The following ZNF713 variants were observed in gnomAD, a reference collection of about 807,000 sequenced individuals.
The protein encoded by ZNF713 is zinc finger protein 713.
Under a neutral mutation model 28.7 loss-of-function variants are expected in ZNF713, and 21 were observed. That is an observed-to-expected ratio of 0.73 (90% CI 0.52 to 1.05). The LOEUF (loss-of-function observed/expected upper bound fraction) is 1.05. ZNF713 is among the 50% of genes least tolerant of loss of function. ZNF713 has a pLI of 0.00. For synonymous variants in ZNF713, 167 were observed against 178.0 expected (o/e 0.94, Z 0.49); for missense variants, 458 against 532.4 (o/e 0.86, Z 1.37).
At chr7:55,916,074 A>G (rs1785876842) in intron 4 of ZNF713, among the ~76,000 whole-genome samples, 1 of 152,230 alleles carries the variant, frequency 6.6e-6, no homozygotes, top group African/African-American at 2.4e-5. Context: ...AAGCAAAGGA[A>G]GAAAAAAGAT....
Position 55,939,219 on chromosome 7 carries a change from G to A in ZNF713, c.545G>A (p.Cys182Tyr), listed in dbSNP as rs887440205. 1.1e-5 allele frequency: 18 copies of A among 1,613,946 alleles called. No homozygotes were observed. The highest frequency in any genetic ancestry group is 1.4e-5 in the Non-Finnish European group (17 of 1,180,012). Residue 182 changes from cysteine to tyrosine, a missense_variant, in exon 7 of 7, where the codon TGT becomes TAT. Physicochemically the swap from Cys to Tyr is radical, Grantham distance 194. Transcript: ENST00000429591. ...KKITQERSLE[C>Y]NKFAENCNLN... ...ATCACACAGGAGAGAAGCCTTGAGT[G>A]TAATAAATTTGCAGAAAACTGTAAT...
chr7:55,894,711 A>AAAGC (rs766402174), intron 1 of ZNF713, among the ~76,000 whole-genome samples: 68 of 152,352 alleles, frequency 4.5e-4, no homozygotes, highest in African/African-American at 1.5e-3. Flanking sequence ...GTTGTCTATA[A>AAAGC]AAGCAAGCAA....
At position 55,891,482 on chromosome 7, in the gene ZNF713, C is replaced by G. The variant is rs1442994042; in HGVS notation, c.-583+3802C>G. ...TTAAATCATAGAAATTGTGTCTAGA[C>G]CAGCCTGGGAAACATGGTGAGACCT... On this transcript the variant is annotated intron_variant, in intron 1 of 6. Coordinates refer to ENST00000429591, the MANE Select transcript of ZNF713 (RefSeq NM_182633.3). 2.0e-5 allele frequency among the ~76,000 whole-genome samples: 3 copies of G among 150,786 alleles called. 1 individual carries two copies. The South Asian group carries it at 6.4e-4, about 32-fold the overall frequency.
chr7:55,915,267 G>A (rs1785859146), intron 4 of ZNF713, among the ~76,000 whole-genome samples: 1 of 152,186 alleles, frequency 6.6e-6, no homozygotes, highest in South Asian at 2.1e-4. Flanking sequence ...CATTTATTAT[G>A]TTTAGAAGGA....
chr7:55,887,827 GCGGC>G (rs1562731545), intron 1 of ZNF713, 147 bp downstream of exon 1: 746 of 8,328 alleles, frequency 0.09, 229 homozygotes, highest in African/African-American at 0.18. Flanking sequence ...CGGGCGGCGG[GCGGC>G]GGGCGGCGGG....
intron 2 of ZNF713, among the ~76,000 whole-genome samples, chr7:55,908,945 A>G: frequency 6.6e-6 from 1 of 152,032 alleles, no homozygotes; most frequent in East Asian, 1.9e-4. Flanking sequence ...GCGGTGGCTC[A>G]TGCCTGTAAT....
At chr7:55,921,529 A>G (rs1005217123) in intron 4 of ZNF713, among the ~76,000 whole-genome samples, 9 of 152,212 alleles carry the variant, frequency 5.9e-5, no homozygotes, top group South Asian at 2.1e-4. Flanking sequence ...AGAGTTTGGA[A>G]GAAGTTGATT....
chr7:55,888,646 C>G (rs1785322082), intron 1 of ZNF713, among the ~76,000 whole-genome samples: 1 of 152,132 alleles, frequency 6.6e-6, no homozygotes, highest in African/African-American at 2.4e-5. Context: ...TCTCAAAGTG[C>G]TGGGATTACA....
intron 4 of ZNF713, among the ~76,000 whole-genome samples, chr7:55,918,810 C>A (rs977433148): frequency 6.6e-6 from 1 of 151,900 alleles, no homozygotes; most frequent in East Asian, 1.9e-4. Context: ...CTGGCCAACA[C>A]GGTGAAACCT....
intron 4 of ZNF713, among the ~76,000 whole-genome samples, chr7:55,919,505 T>G (rs1240227920): frequency 1.5e-4 from 9 of 59,404 alleles, no homozygotes; most frequent in African/African-American, 5.0e-4. Flanking sequence ...TTTTTTTTTT[T>G]TTTTTTTTTT....
At position 55,889,407 on chromosome 7, in the gene ZNF713, A is replaced by G. The variant is rs1372335350; in HGVS notation, c.-583+1727A>G. Among the ~76,000 whole-genome samples the G allele has an allele frequency of 3.9e-5, 6 of 152,214 alleles. No individual in the cohort carries two copies. In the East Asian group the frequency reaches 9.7e-4, roughly 25 times the overall value. ...TGAGCCACTGCGCCCGGCCTGATCT[A>G]TTTCTTTTAACTTAAATTGTGAGGC... On this transcript the variant is annotated intron_variant, in intron 1 of 6. Coordinates refer to ENST00000429591, the MANE Select transcript of ZNF713 (RefSeq NM_182633.3).
chr7:55,901,454 T>C (rs1785575421), intron 1 of ZNF713, among the ~76,000 whole-genome samples: 3 of 152,210 alleles, frequency 2.0e-5, no homozygotes, highest in Admixed American at 6.5e-5. Flanking sequence ...ACATCAACTA[T>C]GTAAATATAT....
chr7:55,905,526 T>C (rs113691860), intron 1 of ZNF713, among the ~76,000 whole-genome samples: 18 of 152,106 alleles, frequency 1.2e-4, no homozygotes, highest in African/African-American at 4.3e-4. Flanking sequence ...TAGCACACTT[T>C]GGGAAAACTA....
At chr7:55,919,670 T>A (rs1440054951) in intron 4 of ZNF713, among the ~76,000 whole-genome samples, 1 of 152,082 alleles carries the variant, frequency 6.6e-6, no homozygotes, top group Non-Finnish European at 1.5e-5. Context: ...CACACCTGGC[T>A]AATTTTTTAA....
chr7:55,905,221 C>T (rs746498093), intron 1 of ZNF713, among the ~76,000 whole-genome samples: 39 of 152,108 alleles, frequency 2.6e-4, no homozygotes, highest in Non-Finnish European at 4.4e-4. Flanking sequence ...GTAGTTGTTC[C>T]GAACTCTGGC....
In ZNF713 at chr7:55,899,589, T is replaced by A. The variant is rs901218634; in HGVS notation, c.-582-6664T>A. Among the ~76,000 whole-genome samples the A allele has an allele frequency of 2.2e-4, 33 of 151,062 alleles. 1 individual carries two copies. The highest frequency in any genetic ancestry group is 7.8e-4 in the African/African-American group (32 of 41,066). On this transcript the variant is annotated intron_variant, in intron 1 of 6. Transcript: ENST00000429591. ...TCAGGAGGCTGAGATGGAGAAATGC[T>A]TGAACCCAGGAGGCAGAGGTTGCAG...
At chr7:55,932,388 C>T (rs1434084127) in intron 6 of ZNF713, among the ~76,000 whole-genome samples, 4 of 150,636 alleles carry the variant, frequency 2.7e-5, no homozygotes, top group Non-Finnish European at 5.9e-5. Context: ...GGCAGGGTAT[C>T]GTGGCACGTG....
intron 1 of ZNF713, among the ~76,000 whole-genome samples, chr7:55,897,916 A>G (rs1785503253): frequency 1.3e-5 from 2 of 152,186 alleles, no homozygotes; most frequent in Non-Finnish European, 2.9e-5. Context: ...GTCTTTTGCT[A>G]TTCATAACCA....
chr7:55,918,213 A>G (rs76346769), intron 4 of ZNF713: 22,985 of 428,176 alleles, frequency 0.054, 752 homozygotes, highest in Admixed American at 0.084. Flanking sequence ...CAGACAGCCC[A>G]TGGAGAAGCC....
Sources: gnomAD v4.1 joint callset for allele counts (sites outside exome capture counted in the v4.1 genomes callset) on GRCh38, gnomAD v4.1.1 for gene constraint, MANE v1.5 for transcripts, NCBI Gene and HGNC (gene_info 2026-07-23, HGNC 2026-07-21) for gene names.